MAP3K13: variants seen among roughly 807,000 people sequenced by gnomAD.
MAP3K13 encodes the protein leucine zipper-bearing kinase.
In MAP3K13, 52 loss-of-function variants were observed where a neutral mutation model predicts 104.0. The ratio of observed to expected loss-of-function variants is 0.50; its 90% confidence interval spans 0.40 to 0.63. The LOEUF is 0.63. Ranked by LOEUF, MAP3K13 falls within the 20% of genes least tolerant of loss-of-function variation. The probability of loss-of-function intolerance (pLI) is 0.00; values close to 1 mark genes in which losing one functional copy is unlikely to be tolerated. For synonymous variants in MAP3K13, 394 were observed against 442.2 expected (o/e 0.89, Z 1.37); for missense variants, 914 against 1,218.5 (o/e 0.75, Z 3.72).
chr3:185,441,888 A>C (rs555642758), intron 3 of MAP3K13, among the ~76,000 whole-genome samples: 4 of 152,064 alleles, frequency 2.6e-5, no homozygotes, highest in Non-Finnish European at 5.9e-5. Context: ...CTAAAATACA[A>C]AAATTAGCTG....
chr3:185,418,272 C>G lies in MAP3K13; in HGVS notation c.-85-10225C>G, dbSNP rs112077480. The G allele has an allele frequency of 2.5e-6, 4 of 1,588,906 alleles. No homozygotes were observed. ...TCCAGGCTTTAAGTTTCTTAAGGAG[C>G]AAAACAGCTTCCTTGGTCTTCTTGT... On this transcript the variant is annotated intron_variant, in intron 1 of 13. Coordinates refer to ENST00000265026, the MANE Select transcript of MAP3K13 (RefSeq NM_004721.5). This position sits in a 1 kb window ranked among gnomAD's most constrained non-coding sequence, Gnocchi z 4.5.
At chr3:185,407,663 T>G (rs987527052) in intron 1 of MAP3K13, among the ~76,000 whole-genome samples, 1 of 152,058 alleles carries the variant, frequency 6.6e-6, no homozygotes, top group Non-Finnish European at 1.5e-5. Flanking sequence ...ATTTCAGCGG[T>G]GGAATTAAGG....
At chr3:185,477,140 T>A (rs759592314) in intron 11 of MAP3K13, 186 bp from the exon 12 acceptor site, 20 of 687,502 alleles carry the variant, frequency 2.9e-5, no homozygotes. Flanking sequence ...CCCGCCATCA[T>A]AGGTACCCTG....
chr3:185,293,120 T>C (rs952028018), intron 2 of MAP3K13: 7 of 874,216 alleles, frequency 8.0e-6, no homozygotes, highest in East Asian at 1.2e-4. Flanking sequence ...TTTTCCTTTT[T>C]CTTTTTCTTT....
rs1251941739 is a variant in MAP3K13 at position 185,447,790 on chromosome 3, G to C, written c.853G>C (p.Val285Leu). The C allele has an allele frequency of 6.3e-7, 1 of 1,598,656 alleles. No individual in the cohort carries two copies. Among genetic ancestry groups the C allele is most frequent in the Non-Finnish European group, 8.5e-7 (1 of 1,174,776 alleles). Residue 285 changes from valine to leucine, a missense_variant and splice_region_variant, in exon 5 of 14, where the codon GTT becomes CTT. Around this residue, in one of 3 missense-constraint regions of MAP3K13, gnomAD observed 175 missense variants for 321.3 expected, o/e 0.54. Coordinates refer to ENST00000265026, the MANE Select transcript of MAP3K13 (RefSeq NM_004721.5). ...TTTTCTTTTTATTTCTTTTTAAAGT[G>C]TTTTAGTGACCCACACAGATGCGGT... ...IIHRDLKSPN[V>L]LVTHTDAVKI...
intron 1 of MAP3K13, among the ~76,000 whole-genome samples, chr3:185,397,147 T>C (rs1311713433): frequency 6.6e-6 from 1 of 152,238 alleles, no homozygotes; most frequent in Non-Finnish European, 1.5e-5. Flanking sequence ...AGCAAAAATC[T>C]TTTGTGCAAT....
intron 1 of MAP3K13, among the ~76,000 whole-genome samples, chr3:185,380,485 T>TG (rs1304783055): frequency 1.3e-4 from 17 of 130,598 alleles, no homozygotes; most frequent in African/African-American, 4.4e-4. Flanking sequence ...CACTCCAGCC[T>TG]GGCGACAGAG....
At chr3:185,375,443 A>C (rs769956852) in intron 1 of MAP3K13, among the ~76,000 whole-genome samples, 1 of 152,156 alleles carries the variant, frequency 6.6e-6, no homozygotes, top group Non-Finnish European at 1.5e-5. Flanking sequence ...AGGAAATGAG[A>C]GGTTCTAAGA....
chr3:185,424,970 A>T (rs1486007805), intron 1 of MAP3K13, among the ~76,000 whole-genome samples: 1 of 152,180 alleles, frequency 6.6e-6, no homozygotes, highest in Non-Finnish European at 1.5e-5. Context: ...CTGACACTAC[A>T]GGCGTATGCC....
At chr3:185,470,691 A>G (rs1717722995) in intron 10 of MAP3K13, among the ~76,000 whole-genome samples, 1 of 152,246 alleles carries the variant, frequency 6.6e-6, no homozygotes, top group Non-Finnish European at 1.5e-5. Flanking sequence ...GTAAGTGGAC[A>G]TGTAGGTTGT....
At chr3:185,433,387 C>T (rs967748546) in intron 2 of MAP3K13, among the ~76,000 whole-genome samples, 17 of 152,192 alleles carry the variant, frequency 1.1e-4, no homozygotes, top group African/African-American at 3.9e-4. Flanking sequence ...TTGGGACTAA[C>T]TCTAGAGAGA....
chr3:185,435,005 G>GT lies in MAP3K13; in HGVS notation c.476-2440dup, dbSNP rs1031501460. On this transcript the variant is annotated intron_variant, in intron 2 of 13. Transcript: ENST00000265026. ...TTTGTTTTTGTTTGTTTGTTTGTTTGTTGTTGTTGTTGTTTTGAGACAGAG... is the reference window on the plus strand; with the variant it reads ...TTTGTTTTTGTTTGTTTGTTTGTTTGTTTGTTGTTGTTGTTTTGAGACAGAG... Among the ~76,000 whole-genome samples, 185 of 151,658 alleles carry GT rather than the reference G, an allele frequency of 1.2e-3. 1 individual carries two copies. The highest frequency in any genetic ancestry group is 4.2e-3 in the African/African-American group (175 of 41,338).
intron 1 of MAP3K13, among the ~76,000 whole-genome samples, chr3:185,408,571 T>TAAAAAAAA (rs71164507): frequency 6.7e-6 from 1 of 148,778 alleles, no homozygotes; most frequent in African/African-American, 2.5e-5. Flanking sequence ...GACTCCATCT[T>TAAAAAAAA]AAAAAAAAAA....
At chr3:185,316,276 G>A (rs964198108) in intron 2 of MAP3K13, among the ~76,000 whole-genome samples, 1 of 152,152 alleles carries the variant, frequency 6.6e-6, no homozygotes, top group African/African-American at 2.4e-5. Context: ...GTTTGGGAAA[G>A]TAAAGGTTAG....
chr3:185,466,596 C>T (rs960683334), intron 9 of MAP3K13, among the ~76,000 whole-genome samples: 4 of 151,970 alleles, frequency 2.6e-5, no homozygotes, highest in African/African-American at 4.8e-5. Flanking sequence ...AGGCTGGTCT[C>T]GAACTCCCAA....
Position 185,482,502 on chromosome 3 carries a change from C to A in MAP3K13, c.*46C>A. On this transcript the variant is annotated 3_prime_UTR_variant, in exon 14 of 14. Transcript: ENST00000265026. This position sits in a 1 kb window ranked among gnomAD's most constrained non-coding sequence, Gnocchi z 4.5. ...AGATCTCGTGACTATACTGGCATTT[C>A]AGATCCACCCCACCCCCAGACTCAT... The A allele has an allele frequency of 7.2e-7, 1 of 1,392,884 alleles. No homozygotes were observed. Among genetic ancestry groups the A allele is most frequent in the Non-Finnish European group, 1.0e-6 (1 of 981,322 alleles). 86.3% of individuals were successfully genotyped at this position (1,392,884 alleles called of 1,614,324 possible).
intron 2 of MAP3K13, among the ~76,000 whole-genome samples, chr3:185,301,118 T>C (rs1426095711): frequency 2.7e-5 from 4 of 150,158 alleles, no homozygotes; most frequent in African/African-American, 1.0e-4. Flanking sequence ...TTATTATTTT[T>C]ATTTATTTAT....
intron 2 of MAP3K13, among the ~76,000 whole-genome samples, chr3:185,350,546 G>C (rs140273289): frequency 6.6e-6 from 1 of 152,042 alleles, no homozygotes; most frequent in East Asian, 1.9e-4. Flanking sequence ...GACTATAATT[G>C]CTTGGGTCCA....
chr3:185,321,439 A>T (rs1721864453), intron 2 of MAP3K13, among the ~76,000 whole-genome samples: 1 of 152,250 alleles, frequency 6.6e-6, no homozygotes, highest in Non-Finnish European at 1.5e-5. Flanking sequence ...GACATATAGG[A>T]TACATAATAA....
Sources: gnomAD v4.1 joint callset for allele counts (sites outside exome capture counted in the v4.1 genomes callset) on GRCh38, gnomAD v4.1.1 for gene constraint, gnomAD v4.1.1 regional missense constraint, Gnocchi (gnomAD v3.1) non-coding constraint, MANE v1.5 for transcripts, NCBI Gene and HGNC (gene_info 2026-07-23, HGNC 2026-07-21) for gene names.